DGKI: variants seen among roughly 807,000 people sequenced by gnomAD.
The protein encoded by DGKI is diacylglycerol kinase iota, also known as DAG kinase iota.
DGKI carries 55 observed loss-of-function variants against 147.5 expected under a neutral mutation model. The observed-to-expected ratio is 0.37, with a 90% CI of 0.30 to 0.47. The LOEUF is 0.47. Ranked by LOEUF, DGKI falls within the 20% of genes least tolerant of loss-of-function variation. DGKI has a pLI of 1.00. For missense variants in DGKI, 1,007 were observed against 1,323.8 expected (o/e 0.76, Z 3.71); for synonymous variants, 469 against 477.1 (o/e 0.98, Z 0.22).
At chr7:137,431,561 A>T (rs552295932) in intron 28 of DGKI, among the ~76,000 whole-genome samples, 1 of 152,330 alleles carries the variant, frequency 6.6e-6, no homozygotes, top group Non-Finnish European at 1.5e-5. Context: ...TTGTCATCCC[A>T]AAGAGAAACA....
At chr7:137,461,933 C>T (rs1169808904) in intron 27 of DGKI, among the ~76,000 whole-genome samples, 1 of 151,892 alleles carries the variant, frequency 6.6e-6, no homozygotes, top group Non-Finnish European at 1.5e-5. Context: ...AAGAACCTGG[C>T]TATTATATAA....
rs150419366 is a variant in DGKI at position 137,387,905 on chromosome 7, G to A, written c.*3315C>T. The A allele has an allele frequency of 2.0e-4, 31 of 152,216 alleles. No homozygotes were observed. The highest frequency in any genetic ancestry group is 7.2e-4 in the Admixed American group (11 of 15,278). The allele number at this position is 152,216 out of a possible 1,614,324, so 9.4% of individuals were successfully genotyped here. On this transcript the variant is annotated 3_prime_UTR_variant, in exon 33 of 33. Transcript: ENST00000614521. ...GTAAATAAATAAATTTCAGAAATTC[G>A]TTAGGCAAAGGGACTCTCACTAGGT...
intron 8 of DGKI, 102 bp downstream of exon 8, chr7:137,619,722 T>C: frequency 1.2e-6 from 1 of 830,184 alleles, no homozygotes; most frequent in Non-Finnish European, 2.0e-6. Context: ...ATGAGTGAAC[T>C]GAGGTCATAG....
chr7:137,470,558 T>G (rs968389648), intron 23 of DGKI, among the ~76,000 whole-genome samples: 1 of 152,164 alleles, frequency 6.6e-6, no homozygotes, highest in Non-Finnish European at 1.5e-5. Flanking sequence ...TTTTAATTTT[T>G]ATTTCATTTA....
In DGKI at chr7:137,535,279, A is replaced by T. The variant is rs553670554; in HGVS notation, c.2148-13313T>A. On this transcript the variant is annotated intron_variant, in intron 20 of 32. Coordinates refer to ENST00000614521, the MANE Select transcript of DGKI (RefSeq NM_001321708.2). ...TAATTTTTAATTTTCAAAAATTTCA[A>T]TCTGGCTTGGGAATCTCTGCCAATT... 2.8e-4 allele frequency among the ~76,000 whole-genome samples: 42 copies of T among 152,242 alleles called. 1 individual carries two copies. The highest frequency in any genetic ancestry group is 9.9e-4 in the African/African-American group (41 of 41,558).
At chr7:137,618,153 T>TATATATATGTATATATA (rs1563114668) in intron 8 of DGKI, among the ~76,000 whole-genome samples, 1 of 9,656 alleles carries the variant, frequency 1.0e-4, no homozygotes, top group African/African-American at 1.8e-4. Context: ...ATATATATAT[T>TATATATATGTATATATA]TTTTTTTTTT....
intron 21 of DGKI, among the ~76,000 whole-genome samples, chr7:137,490,767 C>T (rs1815735289): frequency 6.6e-6 from 1 of 152,198 alleles, no homozygotes; most frequent in African/African-American, 2.4e-5. Flanking sequence ...GCACCAGTGT[C>T]ACTATCCCTG....
chr7:137,819,142 T>A (rs1172964301), intron 1 of DGKI, among the ~76,000 whole-genome samples: 1 of 152,138 alleles, frequency 6.6e-6, no homozygotes, highest in Non-Finnish European at 1.5e-5. Context: ...GGGAACCTGG[T>A]GCTCCACTCC....
chr7:137,582,683 G>T (rs1819246767), intron 14 of DGKI, among the ~76,000 whole-genome samples: 1 of 151,982 alleles, frequency 6.6e-6, no homozygotes, highest in Admixed American at 6.6e-5. Context: ...AGTCCTTTGG[G>T]TCTCTGGCTG....
At chr7:137,593,431 G>A (rs1365741744) in intron 12 of DGKI, among the ~76,000 whole-genome samples, 1 of 152,204 alleles carries the variant, frequency 6.6e-6, no homozygotes, top group African/African-American at 2.4e-5. Context: ...TTATAAACAT[G>A]AAGGTTTGAG....
intron 27 of DGKI, among the ~76,000 whole-genome samples, chr7:137,452,566 G>T (rs533447490): frequency 6.6e-6 from 1 of 152,238 alleles, no homozygotes; most frequent in African/African-American, 2.4e-5. Context: ...CACTATATGC[G>T]TATTTTATTC....
In DGKI at chr7:137,521,649, A is replaced by T. The variant is rs1337287225; in HGVS notation, c.2248+217T>A. On this transcript the variant is annotated intron_variant, in intron 21 of 32. Transcript: ENST00000614521. ...CAAGAGATCCTGACTTGGCATCCAC[A>T]GCAGAATGATTTTATTCAGCTGCTT... Among the ~76,000 whole-genome samples the T allele has an allele frequency of 4.6e-5, 7 of 152,246 alleles. No homozygotes were observed. In the East Asian group the frequency reaches 5.8e-4, roughly 13 times the overall value.
At chr7:137,432,858 T>C (rs892035318) in intron 28 of DGKI, among the ~76,000 whole-genome samples, 2 of 152,144 alleles carry the variant, frequency 1.3e-5, no homozygotes, top group African/African-American at 4.8e-5. Flanking sequence ...AGGGATGTAG[T>C]TTTAGTGGTC....
intron 3 of DGKI, among the ~76,000 whole-genome samples, chr7:137,670,935 A>G (rs1822823047): frequency 6.6e-6 from 1 of 152,206 alleles, no homozygotes; most frequent in Admixed American, 6.5e-5. Context: ...CACACCAGCT[A>G]GACCTGAATA....
chr7:137,734,573 C>T (rs1794971097), intron 1 of DGKI, among the ~76,000 whole-genome samples: 1 of 151,892 alleles, frequency 6.6e-6, no homozygotes, highest in South Asian at 2.1e-4. Flanking sequence ...TGACTAGGGA[C>T]CTATATCCAC....
intron 1 of DGKI, chr7:137,843,426 C>G (rs1444846032): frequency 1.8e-5 from 18 of 985,116 alleles, no homozygotes; most frequent in Non-Finnish European, 2.2e-5. Context: ...TTCAGCTTTA[C>G]AGTCGACAGA....
At position 137,493,245 on chromosome 7, in the gene DGKI, C is replaced by T. The variant is rs114805049; in HGVS notation, c.2249-5556G>A. On this transcript the variant is annotated intron_variant, in intron 21 of 32. Coordinates refer to ENST00000614521, the MANE Select transcript of DGKI (RefSeq NM_001321708.2). ...TCCAGTGTGAATGCACACATGGAGA[C>T]CACCAGCCCCACACCCGCCAGTGCC... Among the ~76,000 whole-genome samples, 754 of 152,246 alleles carry T rather than the reference C, an allele frequency of 5.0e-3. 3 individuals are homozygous for T. The highest frequency in any genetic ancestry group is 0.017 in the African/African-American group (726 of 41,556).
chr7:137,694,033 T>C (rs539137388), intron 1 of DGKI, among the ~76,000 whole-genome samples: 1 of 152,274 alleles, frequency 6.6e-6, no homozygotes, highest in African/African-American at 2.4e-5. Flanking sequence ...TTTAAAAATT[T>C]ATGGAAGGCC....
intron 19 of DGKI, among the ~76,000 whole-genome samples, chr7:137,564,634 G>C (rs987934702): frequency 6.6e-6 from 1 of 152,162 alleles, no homozygotes; most frequent in Non-Finnish European, 1.5e-5. Flanking sequence ...GTTGTTGTTT[G>C]TAAGGACATA....
Sources: allele counts gnomAD v4.1 joint callset (sites outside exome capture counted in the v4.1 genomes callset), GRCh38; gene constraint gnomAD v4.1.1; transcripts MANE v1.5; gene names NCBI Gene and HGNC (gene_info 2026-07-23, HGNC 2026-07-21).